Variants in PEAK3 observed in about 807,000 individuals in gnomAD.
The protein encoded by PEAK3 is PEAK family member 3, also known as protein PEAK3.
In PEAK3, 15 loss-of-function variants were observed where a neutral mutation model predicts 13.3. That is an observed-to-expected ratio of 1.13 (90% CI 0.75 to 1.73). PEAK3 has a LOEUF of 1.73. Among genes scored for constraint, PEAK3 ranks in the 40% most tolerant of loss-of-function variants. The pLI is 0.00. For synonymous variants in PEAK3, 347 were observed against 341.9 expected, an observed-to-expected ratio of 1.01 and a Z score of -0.17; for missense variants, 739 against 690.2, an observed-to-expected ratio of 1.07 and a Z score of -0.79.
chr19:2,279,131 G>A lies in PEAK3; in HGVS notation c.83-18C>T, dbSNP rs752315776. Reference sequence around the variant, plus strand: ...GATCTGACCTGCAGGGAGAGACAGTGGGGGAGGGTTGAGGACAGGCGGAGT... The same window carrying A: ...GATCTGACCTGCAGGGAGAGACAGTAGGGGAGGGTTGAGGACAGGCGGAGT... On this transcript the variant is annotated intron_variant, in intron 2 of 3. Transcript: ENST00000342063. 7.0e-7 allele frequency: 1 copy of A among 1,421,756 alleles called. No individual in the cohort carries two copies. Among genetic ancestry groups the A allele is most frequent in the East Asian group, 2.6e-5 (1 of 38,980 alleles). 88.1% of individuals were successfully genotyped at this position (1,421,756 alleles called of 1,614,324 possible).
chr19:2,278,323 C>G lies in PEAK3; in HGVS notation c.612+261G>C, dbSNP rs189817533. 3.6e-3 allele frequency among the ~76,000 whole-genome samples: 533 copies of G among 147,798 alleles called. 5 individuals are homozygous for G. The highest frequency in any genetic ancestry group is 0.013 in the African/African-American group (508 of 38,490). ...GGGTTTACAGGCGCCCGCCACCACA[C>G]CTAATTTTTGTATTTTTAGTAGAGG... On this transcript the variant is annotated intron_variant, in intron 3 of 3. Transcript: ENST00000342063.
intron 3 of PEAK3, 95 bp from the exon 4 acceptor site, chr19:2,276,584 A>AC: frequency 9.2e-7 from 1 of 1,085,450 alleles, no homozygotes; most frequent in Non-Finnish European, 1.3e-6. Flanking sequence ...TCCCACGCAC[A>AC]CCCCCAAACT....
rs919693143 is a variant in PEAK3 at position 2,279,074 on chromosome 19, C to T, written c.122G>A (p.Arg41His). ...GGAGAGGGACCCAGGGGTCCGGAGG[C>T]GGCAGGCCTTGGAGGGCAGCAGGTG... is the stretch of plus-strand genomic sequence containing the variant. Reference protein sequence around the residue: ...RAHLLPSKACRLRTPGSLSTN... With the variant: ...RAHLLPSKACHLRTPGSLSTN... Residue 41 changes from arginine to histidine, a missense_variant, in exon 3 of 4, where the codon CGC becomes CAC. By Grantham distance (29) the Arg-to-His change is conservative (BLOSUM62 0). Coordinates refer to ENST00000342063, the MANE Select transcript of PEAK3 (RefSeq NM_198532.3). 21 of 1,466,292 alleles carry T rather than the reference C, an allele frequency of 1.4e-5. No homozygotes were observed. Among genetic ancestry groups the T allele is most frequent in the Middle Eastern group, 2.1e-4 (1 of 4,740 alleles). 90.8% of individuals were successfully genotyped at this position (1,466,292 alleles called of 1,614,324 possible). A position where few individuals can be genotyped will look rare whatever the true frequency, so the allele number is the denominator to read the frequency against.
intron 3 of PEAK3, among the ~76,000 whole-genome samples, chr19:2,277,335 G>C (rs766836469): frequency 6.6e-6 from 1 of 151,912 alleles, no homozygotes; most frequent in Non-Finnish European, 1.5e-5. Context: ...GTGAGTTCTC[G>C]TGAGATCTGG....
At position 2,281,828 on chromosome 19, in the gene PEAK3, C is replaced by G. The variant is rs543863923; in HGVS notation, c.-5+259G>C. 1.4e-4 allele frequency among the ~76,000 whole-genome samples: 21 copies of G among 152,348 alleles called. 1 individual carries two copies. The South Asian group carries it at 4.3e-3, about 32-fold the overall frequency. On this transcript the variant is annotated intron_variant, in intron 1 of 3. Transcript: ENST00000342063. Reference sequence around the variant, plus strand: ...ATCATGAGGCAGGTCTGTCACCCATCAATTTTCCAGGCAGTGGGAAGGACC... The same window carrying G: ...ATCATGAGGCAGGTCTGTCACCCATGAATTTTCCAGGCAGTGGGAAGGACC...
Position 2,275,942 on chromosome 19 carries a change from G to A in PEAK3, c.1160C>T (p.Ser387Leu). The change falls in exon 4 of 4, where the codon TCG becomes TTG. Residue 387 changes from serine to leucine, a missense_variant. Physicochemically the swap from Ser to Leu is moderately radical, Grantham distance 145. Coordinates refer to ENST00000342063, the MANE Select transcript of PEAK3 (RefSeq NM_198532.3). ...LAAQLTRLRP[S>L]ASRTRGALQA... ...CAGCGCGCCCCGCGTCCGGGACGCC[G>A]AGGGCCGCAAGCGGGTCAGCTGTGC... is the stretch of plus-strand genomic sequence containing the variant. The A allele has an allele frequency of 7.2e-7, 1 of 1,388,794 alleles. No homozygotes were observed. Among genetic ancestry groups the A allele is most frequent in the Non-Finnish European group, 9.3e-7 (1 of 1,079,302 alleles). 86.0% of individuals were successfully genotyped at this position (1,388,794 alleles called of 1,614,324 possible). A position where few individuals can be genotyped will look rare whatever the true frequency, so the allele number is the denominator to read the frequency against.
rs757653942 is a variant in PEAK3 at position 2,278,980 on chromosome 19, G to T, written c.216C>A (p.Thr72=). 1 of 1,595,790 alleles carries T rather than the reference G, an allele frequency of 6.3e-7. No homozygotes were observed. Among genetic ancestry groups the T allele is most frequent in the South Asian group, 1.1e-5 (1 of 89,688 alleles). The change falls in exon 3 of 4, where the codon ACC becomes ACA. Residue 72 remains threonine (T), a synonymous_variant. Transcript: ENST00000342063. ...TGGAGCTGGGATGGAGGGTCCTGCG[G>T]GTGGGCAGTGACTGGGTCCGGGTTA... ...KILTRTQSLP[T]RRTLHPSSIQ...
In PEAK3 at chr19:2,278,848, C is replaced by T. The variant is rs766558237; in HGVS notation, c.348G>A (p.Pro116=). Residue 116 remains proline, a synonymous_variant, in exon 3 of 4, where the codon CCG becomes CCA. Coordinates refer to ENST00000342063, the MANE Select transcript of PEAK3 (RefSeq NM_198532.3). ...ACLPAELTFG[P]ADAPLGLSLR... ...GGGAGAGGCCCAGTGGGGCGTCAGC[C>T]GGGCCAAAGGTCAGCTCTGCAGGGA... The T allele has an allele frequency of 3.1e-5, 50 of 1,597,144 alleles. No individual in the cohort carries two copies. The highest frequency in any genetic ancestry group is 4.0e-5 in the Non-Finnish European group (47 of 1,172,280).
In PEAK3 at chr19:2,279,081, C is replaced by T. The variant is rs1599158986; in HGVS notation, c.115G>A (p.Ala39Thr). Residue 39 changes from alanine to threonine, a missense_variant, in exon 3 of 4, where the codon GCC becomes ACC. Coordinates refer to ENST00000342063, the MANE Select transcript of PEAK3 (RefSeq NM_198532.3). Reference protein sequence around the residue: ...QIRAHLLPSKACRLRTPGSLS... With the variant: ...QIRAHLLPSKTCRLRTPGSLS... ...GACCCAGGGGTCCGGAGGCGGCAGG[C>T]CTTGGAGGGCAGCAGGTGGGCACGG... 2 of 1,463,024 alleles carry T rather than the reference C, an allele frequency of 1.4e-6. No individual in the cohort carries two copies. Among genetic ancestry groups the T allele is most frequent in the Non-Finnish European group, 1.8e-6 (2 of 1,103,090 alleles). The allele number at this position is 1,463,024 out of a possible 1,614,324, so 90.6% of individuals were successfully genotyped here. A position where few individuals can be genotyped will look rare whatever the true frequency, so the allele number is the denominator to read the frequency against.
In PEAK3 at chr19:2,276,085, A is replaced by AG; in HGVS notation, c.1016dup (p.Gly340TrpfsTer66). On this transcript the variant is annotated frameshift_variant, in exon 4 of 4. Coordinates refer to ENST00000342063, the MANE Select transcript of PEAK3 (RefSeq NM_198532.3). LOFTEE classifies it low-confidence loss of function (END_TRUNC). ...GGGGGCCCGGGGATCCCGGGGGTCC[A>AG]GGGGGCTGCAGACAGACGCGGCCAA... is the stretch of plus-strand genomic sequence containing the variant. 1 of 1,488,938 alleles carries AG rather than the reference A, an allele frequency of 6.7e-7. No individual in the cohort carries two copies. Among genetic ancestry groups the AG allele is most frequent in the East Asian group, 2.6e-5 (1 of 38,970 alleles). The allele number at this position is 1,488,938 out of a possible 1,614,324, so 92.2% of individuals were successfully genotyped here.
intron 1 of PEAK3, among the ~76,000 whole-genome samples, chr19:2,281,601 T>A (rs369409165): frequency 3.0e-4 from 42 of 140,352 alleles, no homozygotes; most frequent in South Asian, 1.5e-3. Flanking sequence ...CCCGAGTGGG[T>A]TTCCTGCCCT....
At position 2,275,400 on chromosome 19, in the gene PEAK3, C is replaced by G. The variant is rs980761221; in HGVS notation, c.*280G>C. The G allele has an allele frequency of 6.2e-6, 2 of 323,186 alleles. No homozygotes were observed. The allele number at this position is 323,186 out of a possible 1,614,324, so 20.0% of individuals were successfully genotyped here. A position where few individuals can be genotyped will look rare whatever the true frequency, so the allele number is the denominator to read the frequency against. On this transcript the variant is annotated 3_prime_UTR_variant, in exon 4 of 4. Transcript: ENST00000342063. Reference sequence around the variant, plus strand: ...ACATTGATCAGCGGGGTTGTCCACACCTGGAAGTGGCGTGGGGGCCCTGGC... The same window carrying G: ...ACATTGATCAGCGGGGTTGTCCACAGCTGGAAGTGGCGTGGGGGCCCTGGC...
Position 2,276,211 on chromosome 19 carries a change from C to T in PEAK3, c.891G>A (p.Ala297=). 2 of 1,568,660 alleles carry T rather than the reference C, an allele frequency of 1.3e-6. No homozygotes were observed. Among genetic ancestry groups the T allele is most frequent in the Middle Eastern group, 1.7e-4 (1 of 6,022 alleles). Residue 297 remains alanine, a synonymous_variant, in exon 4 of 4, where the codon GCG becomes GCA. Coordinates refer to ENST00000342063, the MANE Select transcript of PEAK3 (RefSeq NM_198532.3). ...QLSAALKFLE[A]WGAALVELRP... is the part of the protein sequence containing the mutation. The stretch of plus-strand genomic sequence containing the variant: ...GCAACTCGACTAGGGCCGCGCCCCA[C>T]GCCTCCAGGAACTTCAGGGCCGCGC...
At chr19:2,280,444 A>G (rs10419306) in intron 2 of PEAK3, among the ~76,000 whole-genome samples, 31 of 151,992 alleles carry the variant, frequency 2.0e-4, no homozygotes, top group African/African-American at 7.0e-4. Flanking sequence ...TCCTGGGCTC[A>G]AGGGATCCTC....
At chr19:2,277,653 G>A (rs921382679) in intron 3 of PEAK3, among the ~76,000 whole-genome samples, 2 of 151,554 alleles carry the variant, frequency 1.3e-5, no homozygotes, top group African/African-American at 2.4e-5. Flanking sequence ...TGCAACCTCC[G>A]CCTCCCAGGT....
chr19:2,280,764 G>T (rs535290401), intron 2 of PEAK3, 86 bp downstream of exon 2: 1 of 935,936 alleles, frequency 1.1e-6, no homozygotes, highest in Non-Finnish European at 1.5e-6. Context: ...ACCTCCTGCC[G>T]CTCCCTGCAC....
rs1387848260 is a variant in PEAK3, at chr19:2,275,567, G to T, written c.*113C>A. The T allele has an allele frequency of 2.0e-6, 2 of 981,182 alleles. No individual in the cohort carries two copies. Among genetic ancestry groups the T allele is most frequent in the African/African-American group, 1.7e-5 (1 of 58,372 alleles). 60.8% of individuals were successfully genotyped at this position (981,182 alleles called of 1,614,324 possible). ...AGTGGGGCATTGCTCTCTCTGCTGC[G>T]CTCCTGGACTCTGCAGGAAGAGGGT... On this transcript the variant is annotated 3_prime_UTR_variant, in exon 4 of 4. Transcript: ENST00000342063.
In PEAK3 at chr19:2,275,334, GA is replaced by G. The variant is rs10709530; in HGVS notation, c.*345del. 0.15 allele frequency: 31,236 copies of G among 205,536 alleles called. 3,762 individuals carry two copies. The highest frequency in any genetic ancestry group is 0.53 in the East Asian group (5,228 of 9,824). 12.7% of individuals were successfully genotyped at this position (205,536 alleles called of 1,614,324 possible). A position where few individuals can be genotyped will look rare whatever the true frequency, so the allele number is the denominator to read the frequency against. On this transcript the variant is annotated 3_prime_UTR_variant, in exon 4 of 4. Transcript: ENST00000342063. ...TGGAGACAATGACAGAACCCACGCG[GA>G]AGAGCGCCCTGGCTGCTGGGGAAGG...
chr19:2,275,823 G>A lies in PEAK3; in HGVS notation c.1279C>T (p.Arg427Cys). 1 of 1,518,052 alleles carries A rather than the reference G, an allele frequency of 6.6e-7. No homozygotes were observed. The highest frequency in any genetic ancestry group is 8.8e-7 in the Non-Finnish European group (1 of 1,139,094). 94.0% of individuals were successfully genotyped at this position (1,518,052 alleles called of 1,614,324 possible). A position where few individuals can be genotyped will look rare whatever the true frequency, so the allele number is the denominator to read the frequency against. Residue 427 changes from arginine (R) to cysteine (C), a missense_variant, in exon 4 of 4, where the codon CGC becomes TGC. Arg to Cys is a radical substitution (Grantham distance 180). Coordinates refer to ENST00000342063, the MANE Select transcript of PEAK3 (RefSeq NM_198532.3). ...LRALGPWLRV[R>C]RGLLVLRLAE... The stretch of plus-strand genomic sequence containing the variant: ...AGGCGCAGGACCAGCAGCCCGCGGC[G>A]CACCCGCAGCCAGGGCCCGAGCGCT...
Sources: allele counts gnomAD v4.1 joint callset (sites outside exome capture counted in the v4.1 genomes callset), GRCh38; gene constraint gnomAD v4.1.1; transcripts MANE v1.5; gene names NCBI Gene and HGNC (gene_info 2026-07-23, HGNC 2026-07-21).